Variants in BTBD9 observed in about 807,000 individuals in gnomAD.
BTBD9 encodes the protein BTB/POZ domain-containing protein 9.
BTBD9 carries 49 observed loss-of-function variants against 64.3 expected under a neutral mutation model. The observed-to-expected ratio is 0.76, with a 90% CI of 0.61 to 0.97. The LOEUF (loss-of-function observed/expected upper bound fraction) is 0.97, where lower values mean the gene tolerates loss of function less well. Among genes scored for constraint, BTBD9 ranks in the 50% least tolerant of loss-of-function variants. The pLI is 0.00. For synonymous variants in BTBD9, 260 were observed against 274.7 expected (o/e 0.95, Z 0.53); for missense variants, 598 against 762.1 (o/e 0.78, Z 2.53).
At chr6:38,473,433 A>G (rs1770734753) in intron 6 of BTBD9, among the ~76,000 whole-genome samples, 1 of 152,132 alleles carries the variant, frequency 6.6e-6, no homozygotes. Context: ...CTAAAATTGG[A>G]TTCATTTCTT....
At chr6:38,332,876 T>C (rs1763734015) in intron 7 of BTBD9, among the ~76,000 whole-genome samples, 1 of 152,224 alleles carries the variant, frequency 6.6e-6, no homozygotes, top group African/African-American at 2.4e-5. Flanking sequence ...GTGGATTTAG[T>C]AACTTTTTTC....
chr6:38,182,989 T>C (rs1035808846), intron 10 of BTBD9, among the ~76,000 whole-genome samples: 2 of 152,080 alleles, frequency 1.3e-5, no homozygotes, highest in Non-Finnish European at 2.9e-5. Flanking sequence ...TTCTTTTTTT[T>C]TTTTTTCTGA....
At chr6:38,378,648 T>C (rs1765793296) in intron 6 of BTBD9, among the ~76,000 whole-genome samples, 1 of 151,468 alleles carries the variant, frequency 6.6e-6, no homozygotes, top group Non-Finnish European at 1.5e-5. Context: ...CCAAGTCAGG[T>C]AGACCGCTTG....
At chr6:38,582,675 A>G (rs1050282992) in intron 4 of BTBD9, among the ~76,000 whole-genome samples, 2 of 152,158 alleles carry the variant, frequency 1.3e-5, no homozygotes, top group Admixed American at 6.5e-5. Flanking sequence ...GATATAGGGG[A>G]AAAAAATGTT....
Position 38,465,753 on chromosome 6 carries a change from ATATGTATG to A in BTBD9, c.1154+111839_1154+111846del, listed in dbSNP as rs1240229381. Among the ~76,000 whole-genome samples, 18 of 39,734 alleles carry A rather than the reference ATATGTATG, an allele frequency of 4.5e-4. No homozygotes were observed. In the South Asian group the frequency reaches 7.9e-3, roughly 17 times the overall value. The allele number at this position is 39,734 out of a possible 152,430, so 26.1% of individuals were successfully genotyped here. ...TATATATATATATATATATATATAT[ATATGTATG>A]TATGTATGTATTTCAGTTATTTATT... On this transcript the variant is annotated intron_variant, in intron 6 of 10. Coordinates refer to ENST00000481247, the MANE Select transcript of BTBD9 (RefSeq NM_001099272.2).
chr6:38,178,353 A>C (rs1490683814), intron 10 of BTBD9, among the ~76,000 whole-genome samples: 2 of 152,226 alleles, frequency 1.3e-5, no homozygotes, highest in African/African-American at 2.4e-5. Flanking sequence ...TGAACATCAC[A>C]TATGCAGCAG....
chr6:38,551,741 G>A (rs1774810209), intron 6 of BTBD9, among the ~76,000 whole-genome samples: 1 of 152,164 alleles, frequency 6.6e-6, no homozygotes, highest in South Asian at 2.1e-4. Context: ...AGACAAGGAG[G>A]AGCCACTCAA....
At chr6:38,416,633 C>CA (rs1767680580) in intron 6 of BTBD9, among the ~76,000 whole-genome samples, 1 of 151,648 alleles carries the variant, frequency 6.6e-6, no homozygotes, top group Admixed American at 6.6e-5. Context: ...CATGAGCCAC[C>CA]ACGCCTGGCC....
At chr6:38,548,916 T>C (rs1774676309) in intron 6 of BTBD9, among the ~76,000 whole-genome samples, 1 of 151,894 alleles carries the variant, frequency 6.6e-6, no homozygotes, top group African/African-American at 2.4e-5. Flanking sequence ...CAGGAAAAAA[T>C]CAATAACTGC....
At chr6:38,385,274 C>G (rs1379283572) in intron 6 of BTBD9, among the ~76,000 whole-genome samples, 1 of 151,178 alleles carries the variant, frequency 6.6e-6, no homozygotes, top group Non-Finnish European at 1.5e-5. Context: ...TCACTGCAAC[C>G]TCCGCCTCTG....
intron 7 of BTBD9, among the ~76,000 whole-genome samples, chr6:38,301,178 G>A (rs1292267139): frequency 6.6e-6 from 1 of 152,186 alleles, no homozygotes; most frequent in African/African-American, 2.4e-5. Flanking sequence ...ATTTTCGTAT[G>A]TTGAACCAGC....
chr6:38,275,191 C>T (rs1376273790), intron 8 of BTBD9, among the ~76,000 whole-genome samples: 1 of 152,130 alleles, frequency 6.6e-6, no homozygotes, highest in Non-Finnish European at 1.5e-5. Flanking sequence ...AGATATAACG[C>T]CACATATCTA....
intron 9 of BTBD9, among the ~76,000 whole-genome samples, chr6:38,220,965 A>G (rs145616349): frequency 6.6e-6 from 1 of 152,246 alleles, no homozygotes; most frequent in Admixed American, 6.5e-5. Context: ...CAGTAAATAA[A>G]CAGGCCACTG....
intron 6 of BTBD9, among the ~76,000 whole-genome samples, chr6:38,574,080 T>C (rs747872231): frequency 3.7e-4 from 57 of 152,192 alleles, no homozygotes; most frequent in Non-Finnish European, 1.0e-4. Context: ...CTGAAGAGGA[T>C]AACTGGTCTA....
intron 9 of BTBD9, among the ~76,000 whole-genome samples, chr6:38,233,331 A>G (rs1763676757): frequency 6.6e-6 from 1 of 152,212 alleles, no homozygotes; most frequent in South Asian, 2.1e-4. Context: ...AGTTGTGGTG[A>G]TTCAAAGATG....
chr6:38,238,639 A>T (rs1165283697), intron 9 of BTBD9, among the ~76,000 whole-genome samples: 1 of 151,616 alleles, frequency 6.6e-6, no homozygotes, highest in Non-Finnish European at 1.5e-5. Flanking sequence ...CGCCCAGCTA[A>T]TTTTTTTGTA....
chr6:38,514,885 C>A (rs900170331), intron 6 of BTBD9, among the ~76,000 whole-genome samples: 1 of 152,194 alleles, frequency 6.6e-6, no homozygotes, highest in African/African-American at 2.4e-5. Flanking sequence ...AGAATTTTTA[C>A]AAGTGACCTC....
At chr6:38,416,612 G>C (rs1767679166) in intron 6 of BTBD9, among the ~76,000 whole-genome samples, 1 of 151,164 alleles carries the variant, frequency 6.6e-6, no homozygotes, top group South Asian at 2.1e-4. Flanking sequence ...CCAAAGTGCT[G>C]GGATTACAGG....
In BTBD9 at chr6:38,524,285, T is replaced by G. The variant is rs140162682; in HGVS notation, c.1154+53315A>C. Among the ~76,000 whole-genome samples, 812 of 152,234 alleles carry G rather than the reference T, an allele frequency of 5.3e-3. 17 individuals are homozygous for G. Among genetic ancestry groups the G allele is most frequent in the African/African-American group, 0.019 (779 of 41,562 alleles). On this transcript the variant is annotated intron_variant, in intron 6 of 10. Transcript: ENST00000481247. ...AAGTGGTTTTTAGCTGAGTTTCCAT[T>G]TCCAAATGATAGAACAGTATCAGGA...
Sources: allele counts gnomAD v4.1 joint callset (sites outside exome capture counted in the v4.1 genomes callset), GRCh38; gene constraint gnomAD v4.1.1; transcripts MANE v1.5; gene names NCBI Gene and HGNC (gene_info 2026-07-23, HGNC 2026-07-21).